The following SACS variants were observed in gnomAD, a reference collection of about 807,000 sequenced individuals.
SACS encodes the protein sacsin.
Under a neutral mutation model 348.0 loss-of-function variants are expected in SACS, and 197 were observed. The observed-to-expected ratio is 0.57, with a 90% confidence interval of 0.50 to 0.64. The LOEUF is 0.64. Among genes scored for constraint, SACS ranks in the 30% least tolerant of loss-of-function variants. The pLI is 0.00. For missense variants in SACS, 4,999 were observed against 5,360.8 expected, an observed-to-expected ratio of 0.93 and a Z score of 2.11; for synonymous variants, 1,985 against 1,910.6, an observed-to-expected ratio of 1.04 and a Z score of -1.02.
chr13:23,378,369 C>G (rs1871898278), intron 2 of SACS, among the ~76,000 whole-genome samples: 1 of 152,170 alleles, frequency 6.6e-6, no homozygotes, highest in Non-Finnish European at 1.5e-5. Context: ...AGTGGAGGGA[C>G]ACATCTTGAG....
At chr13:23,417,849 CCCTGAGCTCAGGAGTTTGA>C (rs1566110856) in intron 1 of SACS, among the ~76,000 whole-genome samples, 1 of 151,832 alleles carries the variant, frequency 6.6e-6, no homozygotes, top group Non-Finnish European at 1.5e-5. Context: ...CAGGCGGAAC[CCCTGAGCTCAGGAGTTTGA>C]GACCAACCTG....
Position 23,336,956 on chromosome 13 carries a change from C to A in SACS, c.6920G>T (p.Gly2307Val). 6.2e-7 allele frequency: 1 copy of A among 1,613,920 alleles called. No homozygotes were observed. The highest frequency in any genetic ancestry group is 1.1e-5 in the South Asian group (1 of 91,068). ...LKEVAKSVDD[G>V]ITLYQENITN... Reference sequence around the variant, plus strand: ...GATATTCTCCTGGTACAGTGTAATTCCATCATCAACTGATTTTGCTACTTC... The same window carrying A: ...GATATTCTCCTGGTACAGTGTAATTACATCATCAACTGATTTTGCTACTTC... Residue 2307 changes from glycine (G) to valine (V), a missense_variant, in exon 10 of 10, where the codon GGA becomes GTA. Transcript: ENST00000382292.
At chr13:23,431,244 C>T (rs985208418) in intron 1 of SACS, among the ~76,000 whole-genome samples, 1 of 152,202 alleles carries the variant, frequency 6.6e-6, no homozygotes, top group African/African-American at 2.4e-5. Context: ...TTCTATGTCT[C>T]TTGCCTTAGA....
chr13:23,365,315 C>G, intron 5 of SACS, 38 bp from the exon 6 acceptor site: 1 of 1,131,356 alleles, frequency 8.8e-7, no homozygotes, highest in Non-Finnish European at 1.3e-6. Flanking sequence ...TAATTAATAA[C>G]ACAGTAATCT....
chr13:23,407,535 T>G (rs776314185), intron 2 of SACS, among the ~76,000 whole-genome samples: 1 of 152,172 alleles, frequency 6.6e-6, no homozygotes, highest in Non-Finnish European at 1.5e-5. Flanking sequence ...GTCTGACTTA[T>G]TGAAGCATCC....
rs1868567860 is a variant in SACS at position 23,336,114 on chromosome 13, G to C, written c.7762C>G (p.Leu2588Val). The change falls in exon 10 of 10, where the codon CTT becomes GTT. Residue 2588 changes from leucine to valine, a missense_variant. Coordinates refer to ENST00000382292, the MANE Select transcript of SACS (RefSeq NM_014363.6). ...AATGGCTGGTTGTTGTACACACAAA[G>C]TGCTGGCCCTTGCAATGGGGCCCAC... ...DKWAPLQGPA[L>V]CVYNNQPFTE... is the part of the protein sequence containing the mutation. 1.2e-6 allele frequency: 2 copies of C among 1,612,666 alleles called. No individual in the cohort carries two copies. The highest frequency in any genetic ancestry group is 1.7e-6 in the Non-Finnish European group (2 of 1,179,054).
Position 23,337,787 on chromosome 13 carries a change from G to A in SACS, c.6089C>T (p.Pro2030Leu). The A allele has an allele frequency of 6.2e-7, 1 of 1,613,932 alleles. No homozygotes were observed. The highest frequency in any genetic ancestry group is 8.5e-7 in the Non-Finnish European group (1 of 1,179,934). ...TTCAAATCCTAATTTTACCGAAGAAGGAAGTTCAACAGCACAAAGGTTTTT... is the reference window on the plus strand; with the variant it reads ...TTCAAATCCTAATTTTACCGAAGAAAGAAGTTCAACAGCACAAAGGTTTTT... ...GSKNLCAVEL[P>L]SSVKLGFEEA... The change falls in exon 10 of 10, where the codon CCT (proline) becomes CTT (leucine). Residue 2030 changes from proline (P) to leucine (L), a missense_variant. By Grantham distance (98) the Pro-to-Leu change is moderately conservative. Around this residue, in one of 6 missense-constraint regions of SACS, gnomAD observed 3,156 missense variants for 3,380.1 expected, o/e 0.93. Coordinates refer to ENST00000382292, the MANE Select transcript of SACS (RefSeq NM_014363.6).
chr13:23,410,877 T>C (rs971056237), intron 2 of SACS, among the ~76,000 whole-genome samples: 5 of 152,208 alleles, frequency 3.3e-5, no homozygotes, highest in African/African-American at 9.6e-5. Context: ...TTCACAGTTG[T>C]TTATTTTATA....
At chr13:23,430,156 C>T (rs1198055346) in intron 1 of SACS, among the ~76,000 whole-genome samples, 1 of 151,408 alleles carries the variant, frequency 6.6e-6, no homozygotes, top group Admixed American at 6.6e-5. Flanking sequence ...TGCAGTGAGC[C>T]GAGATTGCAC....
At chr13:23,361,314 T>C (rs1380030972) in intron 6 of SACS, among the ~76,000 whole-genome samples, 1 of 152,202 alleles carries the variant, frequency 6.6e-6, no homozygotes, top group East Asian at 1.9e-4. Context: ...ATAATTCTGA[T>C]CATATTCATC....
At chr13:23,432,760 T>C (rs1385187649) in intron 1 of SACS, among the ~76,000 whole-genome samples, 3 of 152,222 alleles carry the variant, frequency 2.0e-5, no homozygotes. Context: ...TCAAAATAAC[T>C]TCAGAGCAGC....
At chr13:23,382,085 C>T (rs139901512) in intron 2 of SACS, among the ~76,000 whole-genome samples, 127 of 152,362 alleles carry the variant, frequency 8.3e-4, no homozygotes, top group Non-Finnish European at 1.5e-3. Flanking sequence ...AGTTGGCAGG[C>T]ATCCACCACT....
At chr13:23,397,604 G>C (rs1027084876) in intron 2 of SACS, among the ~76,000 whole-genome samples, 12 of 152,138 alleles carry the variant, frequency 7.9e-5, no homozygotes, top group African/African-American at 2.9e-4. Context: ...ATAATTTCCT[G>C]TCCTAACCTT....
intron 9 of SACS, among the ~76,000 whole-genome samples, chr13:23,348,649 G>GAGGCACAGGGCAAGATGTCAA (rs1869766350): frequency 6.6e-6 from 1 of 152,222 alleles, no homozygotes; most frequent in Admixed American, 6.5e-5. Context: ...GGGCAGGGGT[G>GAGGCACAGGGCAAGATGTCAA]AGGCACAGGG....
intron 2 of SACS, among the ~76,000 whole-genome samples, chr13:23,399,683 T>G (rs1566102455): frequency 6.6e-6 from 1 of 152,114 alleles, no homozygotes; most frequent in Non-Finnish European, 1.5e-5. Flanking sequence ...TGGCCAGAAG[T>G]GTGAGTGGCA....
intron 2 of SACS, among the ~76,000 whole-genome samples, chr13:23,384,073 G>T (rs1872175270): frequency 6.6e-6 from 1 of 152,206 alleles, no homozygotes; most frequent in African/African-American, 2.4e-5. Context: ...TTAAGTGCAT[G>T]AATGGGGTAT....
intron 1 of SACS, among the ~76,000 whole-genome samples, chr13:23,429,423 T>C (rs1263115863): frequency 1.5e-5 from 2 of 135,342 alleles, no homozygotes; most frequent in African/African-American, 2.8e-5. Context: ...AGTGCAGTGG[T>C]GCGATATCGG....
At position 23,332,653 on chromosome 13, in the gene SACS, C is replaced by T; in HGVS notation, c.11223G>A (p.Leu3741=). 6.2e-7 allele frequency: 1 copy of T among 1,613,712 alleles called. No individual in the cohort carries two copies. Among genetic ancestry groups the T allele is most frequent in the East Asian group, 2.2e-5 (1 of 44,872 alleles). Reference sequence around the variant, plus strand: ...TGATTACCTTATCAAGAGGAGGATCCAGGTTAACATTAAGCATATTTAAAA... The same window carrying T: ...TGATTACCTTATCAAGAGGAGGATCTAGGTTAACATTAAGCATATTTAAAA... ...EQVLNMLNVN[L]DPPLDKVINN... Residue 3741 remains leucine, a synonymous_variant, in exon 10 of 10, where the codon CTG becomes CTA. Coordinates refer to ENST00000382292, the MANE Select transcript of SACS (RefSeq NM_014363.6).
chr13:23,407,744 C>T (rs921590254), intron 2 of SACS, among the ~76,000 whole-genome samples: 10 of 152,184 alleles, frequency 6.6e-5, no homozygotes, highest in African/African-American at 2.2e-4. Context: ...CTTTTTGACA[C>T]GGCATTGTCT....
Sources: gnomAD v4.1 joint callset for allele counts (sites outside exome capture counted in the v4.1 genomes callset) on GRCh38, gnomAD v4.1.1 for gene constraint, gnomAD v4.1.1 regional missense constraint, MANE v1.5 for transcripts, NCBI Gene and HGNC (gene_info 2026-07-23, HGNC 2026-07-21) for gene names.